Variants in PANX3 observed in about 807,000 individuals in gnomAD.
The protein encoded by PANX3 is pannexin-3.
PANX3 carries 18 observed loss-of-function variants against 31.5 expected under a neutral mutation model. That is an observed-to-expected ratio of 0.57 (90% CI 0.39 to 0.85). PANX3 has a LOEUF of 0.85. Ranked by LOEUF, PANX3 falls within the 40% of genes least tolerant of loss-of-function variation. The pLI, the probability that PANX3 is intolerant of heterozygous loss-of-function variation, is 0.00. For synonymous variants in PANX3, 194 were observed against 201.6 expected (o/e 0.96, Z 0.32); for missense variants, 426 against 485.4 (o/e 0.88, Z 1.15).
chr11:124,619,883 A>G lies in PANX3; in HGVS notation c.1127A>G (p.Glu376Gly). The G allele has an allele frequency of 6.2e-7, 1 of 1,613,536 alleles. No homozygotes were observed. The highest frequency in any genetic ancestry group is 8.5e-7 in the Non-Finnish European group (1 of 1,179,814). ...TTTATGACTTTATTGGCTGGCTTAG[A>G]ACCCTCAAAACCCAAACACCTCACC... ...VDFMTLLAGL[E>G]PSKPKHLTNS... Residue 376 changes from glutamate (E) to glycine (G), a missense_variant, in exon 4 of 4, where the codon GAA (glutamate) becomes GGA (glycine). Coordinates refer to ENST00000284288, the MANE Select transcript of PANX3 (RefSeq NM_052959.3).
Position 124,620,115 on chromosome 11 carries a change from T to A in PANX3, c.*180T>A. 1 of 692,712 alleles carries A rather than the reference T, an allele frequency of 1.4e-6. No individual in the cohort carries two copies. The highest frequency in any genetic ancestry group is 2.3e-6 in the Non-Finnish European group (1 of 441,640). The allele number at this position is 692,712 out of a possible 1,614,324, so 42.9% of individuals were successfully genotyped here. On this transcript the variant is annotated 3_prime_UTR_variant, in exon 4 of 4. Transcript: ENST00000284288. Reference sequence around the variant, plus strand: ...AAAGTGAGAAGACATAACCAAGACATGGAAATAAATGTGAAAGCTGGAGCC... The same window carrying A: ...AAAGTGAGAAGACATAACCAAGACAAGGAAATAAATGTGAAAGCTGGAGCC...
Position 124,611,543 on chromosome 11 carries a change from A to G in PANX3, c.-14A>G. The G allele has an allele frequency of 4.4e-6, 7 of 1,595,088 alleles. No individual in the cohort carries two copies. The highest frequency in any genetic ancestry group is 6.0e-6 in the Non-Finnish European group (7 of 1,167,022). On this transcript the variant is annotated 5_prime_UTR_variant, in exon 1 of 4. Transcript: ENST00000284288. ...CCCTGCTGCCACCTCTGCACCCCCA[A>G]GCTCAGCAGCATCATGTCACTTGCA...
At position 124,619,927 on chromosome 11, in the gene PANX3, C is replaced by A; in HGVS notation, c.1171C>A (p.His391Asn). 6.2e-7 allele frequency: 1 copy of A among 1,600,718 alleles called. No individual in the cohort carries two copies. Among genetic ancestry groups the A allele is most frequent in the South Asian group, 1.1e-5 (1 of 89,056 alleles). The change falls in exon 4 of 4, where the codon CAC becomes AAC. Residue 391 changes from histidine to asparagine, a missense_variant. By Grantham distance (68) the His-to-Asn change is moderately conservative. Coordinates refer to ENST00000284288, the MANE Select transcript of PANX3 (RefSeq NM_052959.3). ...KHLTNSACDE[H>N]P is the part of the protein sequence containing the mutation. ...CCTCACCAACTCGGCATGTGATGAA[C>A]ACCCATAGTTAAGAAACCATGGAGC... is the stretch of plus-strand genomic sequence containing the variant.
In PANX3 at chr11:124,613,059, A is replaced by T; in HGVS notation, c.261A>T (p.Ser87=). Residue 87 remains serine, a synonymous_variant, in exon 2 of 4, where the codon TCA becomes TCT. Coordinates refer to ENST00000284288, the MANE Select transcript of PANX3 (RefSeq NM_052959.3). ...AAYVDSSCWD[S]LLHHKQDGPG... ...ACGTGGACAGCTCCTGCTGGGACTC[A>T]CTGCTTCACCATAAGCAGGACGGGC... The T allele has an allele frequency of 6.2e-7, 1 of 1,614,138 alleles. No homozygotes were observed. The highest frequency in any genetic ancestry group is 8.5e-7 in the Non-Finnish European group (1 of 1,180,030).
rs1032367144 is a variant in PANX3, at chr11:124,620,197, TAAAAAG to T, written c.*266_*271del. 4.9e-6 allele frequency: 2 copies of T among 406,912 alleles called. No individual in the cohort carries two copies. The highest frequency in any genetic ancestry group is 8.6e-6 in the Non-Finnish European group (2 of 231,586). 25.2% of individuals were successfully genotyped at this position (406,912 alleles called of 1,614,324 possible). On this transcript the variant is annotated 3_prime_UTR_variant, in exon 4 of 4. Coordinates refer to ENST00000284288, the MANE Select transcript of PANX3 (RefSeq NM_052959.3). ...GAACATTCTATGAGGATAGTATAAATAAAAAGAAATACAGTCTAGACATGCTGCAAG... is the reference window on the plus strand; with the variant it reads ...GAACATTCTATGAGGATAGTATAAATAAATACAGTCTAGACATGCTGCAAG...
At position 124,611,429 on chromosome 11, in the gene PANX3, G is replaced by C; in HGVS notation, c.-128G>C. Reference sequence around the variant, plus strand: ...AGAGAACCATCGCCTGCTCCCAGCAGAGATATCCATAAGGCTGGGGTGGCA... The same window carrying C: ...AGAGAACCATCGCCTGCTCCCAGCACAGATATCCATAAGGCTGGGGTGGCA... On this transcript the variant is annotated 5_prime_UTR_variant, in exon 1 of 4. Transcript: ENST00000284288. The C allele has an allele frequency of 6.2e-6, 5 of 804,882 alleles. No homozygotes were observed. Among genetic ancestry groups the C allele is most frequent in the Non-Finnish European group, 9.5e-6 (5 of 524,074 alleles). 49.9% of individuals were successfully genotyped at this position (804,882 alleles called of 1,614,324 possible).
At position 124,620,069 on chromosome 11, in the gene PANX3, A is replaced by G. The variant is rs1426298789; in HGVS notation, c.*134A>G. 2.1e-6 allele frequency: 2 copies of G among 935,406 alleles called. No individual in the cohort carries two copies. The highest frequency in any genetic ancestry group is 3.1e-6 in the Non-Finnish European group (2 of 636,624). 57.9% of individuals were successfully genotyped at this position (935,406 alleles called of 1,614,324 possible). A position where few individuals can be genotyped will look rare whatever the true frequency, so the allele number is the denominator to read the frequency against. ...AAGCTTGGATTTAACTGAATCATAT[A>G]TCTTTTATCATGTTATCCTAAAAGT... On this transcript the variant is annotated 3_prime_UTR_variant, in exon 4 of 4. Coordinates refer to ENST00000284288, the MANE Select transcript of PANX3 (RefSeq NM_052959.3).
chr11:124,613,488 A>AT (rs1042380766), intron 2 of PANX3, among the ~76,000 whole-genome samples: 3 of 152,136 alleles, frequency 2.0e-5, no homozygotes, highest in Non-Finnish European at 4.4e-5. Context: ...TGCAGTTGGA[A>AT]TTAAGCCAGG....
At chr11:124,614,697 A>T in intron 2 of PANX3, among the ~76,000 whole-genome samples, 1 of 107,226 alleles carries the variant, frequency 9.3e-6, no homozygotes, top group Non-Finnish European at 1.8e-5. Context: ...TTTTTTTGAG[A>T]CAGAGTCTGG....
chr11:124,614,086 A>G (rs530623584), intron 2 of PANX3, among the ~76,000 whole-genome samples: 3 of 150,172 alleles, frequency 2.0e-5, no homozygotes, highest in Non-Finnish European at 4.4e-5. Flanking sequence ...CCACAGTTCT[A>G]GGACTGAGAC....
Position 124,619,472 on chromosome 11 carries a change from A to C in PANX3, c.716A>C (p.Glu239Ala). The C allele has an allele frequency of 6.2e-7, 1 of 1,614,162 alleles. No homozygotes were observed. Among genetic ancestry groups the C allele is most frequent in the East Asian group, 2.2e-5 (1 of 44,884 alleles). ...CATCTGGATGTCTTCTTCCAGGAAGAATTCAGCTGCTCCATCAAGACAGGG... is the reference window on the plus strand; with the variant it reads ...CATCTGGATGTCTTCTTCCAGGAAGCATTCAGCTGCTCCATCAAGACAGGG... ...HFHLDVFFQEEFSCSIKTGLL... is the reference protein window; with the variant it reads ...HFHLDVFFQEAFSCSIKTGLL... Residue 239 changes from glutamate to alanine, a missense_variant, in exon 4 of 4, where the codon GAA becomes GCA. Glu to Ala is a moderately radical substitution (Grantham distance 107, BLOSUM62 -1). Transcript: ENST00000284288.
intron 2 of PANX3, among the ~76,000 whole-genome samples, chr11:124,615,529 G>A (rs1863143660): frequency 6.6e-6 from 1 of 152,148 alleles, no homozygotes; most frequent in Non-Finnish European, 1.5e-5. Context: ...GAATCAGACA[G>A]CCTATAGTTC....
chr11:124,614,179 A>T (rs1863126151), intron 2 of PANX3, among the ~76,000 whole-genome samples: 1 of 151,706 alleles, frequency 6.6e-6, no homozygotes, highest in Middle Eastern at 3.4e-3. Flanking sequence ...AAAAAAAAAA[A>T]AAAAAAAAAA....
At chr11:124,615,535 A>C (rs190429663) in intron 2 of PANX3, among the ~76,000 whole-genome samples, 136 of 152,340 alleles carry the variant, frequency 8.9e-4, no homozygotes, top group African/African-American at 3.2e-3. Context: ...GACAGCCTAT[A>C]GTTCTAAATC....
In PANX3 at chr11:124,617,358, A is replaced by G; in HGVS notation, c.409A>G (p.Ser137Gly). Residue 137 changes from serine (S) to glycine (G), a missense_variant, in exon 3 of 4, where the codon AGC becomes GGC. Coordinates refer to ENST00000284288, the MANE Select transcript of PANX3 (RefSeq NM_052959.3). ...GCAGTATGCAGCTGTGCCAGCCCTC[A>G]GCTCCGATCTGCTGTTCATCATCAG... ...LWQYAAVPAL[S>G]SDLLFIISEL... is the part of the protein sequence containing the mutation. 1 of 1,613,474 alleles carries G rather than the reference A, an allele frequency of 6.2e-7. No homozygotes were observed. The highest frequency in any genetic ancestry group is 8.5e-7 in the Non-Finnish European group (1 of 1,180,036).
rs763626190 is a variant in PANX3 at position 124,611,661 on chromosome 11, C to G, written c.105C>G (p.Asp35Glu). Reference sequence around the variant, plus strand: ...GACTGCGTCTGGAACTGCCCCTGGACCGGATAGTCAAGTTCGTAGCTGTGG... The same window carrying G: ...GACTGCGTCTGGAACTGCCCCTGGAGCGGATAGTCAAGTTCGTAGCTGTGG... ...LKGLRLELPL[D>E]RIVKFVAVGS... is the part of the protein sequence containing the mutation. Residue 35 changes from aspartate (D) to glutamate (E), a missense_variant, in exon 1 of 4, where the codon GAC becomes GAG. Transcript: ENST00000284288. 5.0e-6 allele frequency: 8 copies of G among 1,614,206 alleles called. No homozygotes were observed. In the South Asian group the frequency reaches 8.8e-5, roughly 18 times the overall value.
At chr11:124,618,597 A>T (rs1304053923) in intron 3 of PANX3, among the ~76,000 whole-genome samples, 1 of 152,174 alleles carries the variant, frequency 6.6e-6, no homozygotes, top group Non-Finnish European at 1.5e-5. Flanking sequence ...AATTGTCCCA[A>T]AGATCATACA....
rs1348608199 is a variant in PANX3, at chr11:124,616,961, CTCTCTCTCTCTCTCCTTAT to C, written c.325-280_325-262del. On this transcript the variant is annotated intron_variant, in intron 2 of 3. Coordinates refer to ENST00000284288, the MANE Select transcript of PANX3 (RefSeq NM_052959.3). The surrounding 1 kb of genome is among the most constrained non-coding windows in gnomAD (Gnocchi z 4.8). ...CCTTCCCCTCTCCTTCCCACCTCTC[CTCTCTCTCTCTCTCCTTAT>C]TCTCTCTCTCTCTCCTTATTCTCTC... Among the ~76,000 whole-genome samples the C allele has an allele frequency of 8.6e-5, 13 of 150,322 alleles. No homozygotes were observed. The highest frequency in any genetic ancestry group is 3.9e-4 in the East Asian group (2 of 5,138).
Position 124,612,992 on chromosome 11 carries a change from G to T in PANX3, c.194G>T (p.Ser65Ile). The part of the protein sequence containing the change: ...AQEFSSGSPI[S>I]CFSPSNFSIR... ...GTTCCTGTTGCAGGGTCTCCGATCA[G>T]CTGCTTCTCTCCCAGTAACTTCAGC... is the stretch of plus-strand genomic sequence containing the variant. Residue 65 changes from serine (S) to isoleucine (I), a missense_variant, in exon 2 of 4, where the codon AGC (serine) becomes ATC (isoleucine). Physicochemically the swap from Ser to Ile is moderately radical, Grantham distance 142 (BLOSUM62 -2). Coordinates refer to ENST00000284288, the MANE Select transcript of PANX3 (RefSeq NM_052959.3). 6.2e-7 allele frequency: 1 copy of T among 1,614,100 alleles called. No homozygotes were observed. Among genetic ancestry groups the T allele is most frequent in the Non-Finnish European group, 8.5e-7 (1 of 1,179,996 alleles).
Sources: allele counts gnomAD v4.1 joint callset (sites outside exome capture counted in the v4.1 genomes callset), GRCh38; gene constraint gnomAD v4.1.1; non-coding constraint Gnocchi (gnomAD v3.1); transcripts MANE v1.5; gene names NCBI Gene and HGNC (gene_info 2026-07-23, HGNC 2026-07-21).